THRB: variants seen among roughly 807,000 people sequenced by gnomAD.
THRB encodes the protein nuclear receptor subfamily 1 group A member 2.
Under a neutral mutation model 47.8 loss-of-function variants are expected in THRB, and 12 were observed. The ratio of observed to expected loss-of-function variants is 0.25; its 90% CI spans 0.16 to 0.41. The LOEUF is 0.41. Among genes scored for constraint, THRB ranks in the 10% least tolerant of loss-of-function variants. The probability of loss-of-function intolerance (pLI) is 1.00; values close to 1 mark genes in which losing one functional copy is unlikely to be tolerated. For synonymous variants in THRB, 218 were observed against 212.2 expected (o/e 1.03, Z -0.24); for missense variants, 348 against 589.2 (o/e 0.59, Z 4.24).
At chr3:24,136,362 A>T (rs944186891) in intron 8 of THRB, among the ~76,000 whole-genome samples, 5 of 152,220 alleles carry the variant, frequency 3.3e-5, no homozygotes, top group African/African-American at 1.2e-4. Flanking sequence ...CTTAGATACC[A>T]GAACAACAAA....
intron 3 of THRB, among the ~76,000 whole-genome samples, chr3:24,285,716 G>T (rs1329971225): frequency 6.6e-6 from 1 of 152,114 alleles, no homozygotes; most frequent in African/African-American, 2.4e-5. Context: ...CAAGAAAACA[G>T]TGCTTCTGCT....
At chr3:24,390,793 A>T (rs373054329) in intron 1 of THRB, among the ~76,000 whole-genome samples, 2 of 63,058 alleles carry the variant, frequency 3.2e-5, no homozygotes, top group South Asian at 6.5e-4. Context: ...GTAAAAAAAA[A>T]AAAAATATAT....
intron 1 of THRB, among the ~76,000 whole-genome samples, chr3:24,403,101 C>A (rs1317500335): frequency 6.6e-6 from 1 of 151,906 alleles, no homozygotes; most frequent in Non-Finnish European, 1.5e-5. Context: ...CTATACATAA[C>A]AACATAGATC....
intron 4 of THRB, among the ~76,000 whole-genome samples, chr3:24,211,694 G>C (rs2046041209): frequency 6.6e-6 from 1 of 152,186 alleles, no homozygotes; most frequent in Non-Finnish European, 1.5e-5. Context: ...GCCAGCTTAT[G>C]ATGGTGCCAA....
chr3:24,413,021 G>C (rs1430979727), intron 1 of THRB, among the ~76,000 whole-genome samples: 4 of 151,754 alleles, frequency 2.6e-5, no homozygotes, highest in African/African-American at 9.7e-5. Context: ...AGTTAAAGAG[G>C]CTTTCTTACA....
intron 3 of THRB, among the ~76,000 whole-genome samples, chr3:24,234,275 A>G (rs2048643474): frequency 6.6e-6 from 1 of 152,222 alleles, no homozygotes; most frequent in Admixed American, 6.5e-5. Context: ...GATACTTTAC[A>G]CATGCAAAAT....
chr3:24,158,442 G>GTTTT (rs2038229902), intron 5 of THRB, among the ~76,000 whole-genome samples: 1 of 143,820 alleles, frequency 7.0e-6, no homozygotes, highest in Non-Finnish European at 1.5e-5. Flanking sequence ...TTGGGGGGAG[G>GTTTT]GTGGGGGACG....
intron 1 of THRB, among the ~76,000 whole-genome samples, chr3:24,433,462 A>T (rs761057176): frequency 4.9e-4 from 75 of 152,270 alleles, no homozygotes; most frequent in Non-Finnish European, 8.8e-4. Flanking sequence ...ATGTGTGGCC[A>T]CTAGAAGCTG....
Position 24,122,156 on chromosome 3 carries a change from G to A in THRB, c.*728C>T, listed in dbSNP as rs2031800961. 1 of 152,934 alleles carries A rather than the reference G, an allele frequency of 6.5e-6. No homozygotes were observed. Among genetic ancestry groups the A allele is most frequent in the South Asian group, 2.1e-4 (1 of 4,840 alleles). The allele number at this position is 152,934 out of a possible 1,614,324, so 9.5% of individuals were successfully genotyped here. The stretch of plus-strand genomic sequence containing the variant: ...AATTTTTGGAAACCATGCAGTCACT[G>A]ACATTGGTGAAGATTTCTAATTTCT... On this transcript the variant is annotated 3_prime_UTR_variant, in exon 11 of 11. Coordinates refer to ENST00000646209, the MANE Select transcript of THRB (RefSeq NM_001354712.2).
intron 3 of THRB, among the ~76,000 whole-genome samples, chr3:24,247,424 G>A (rs960151316): frequency 1.3e-5 from 2 of 152,122 alleles, no homozygotes; most frequent in Admixed American, 6.6e-5. Flanking sequence ...AACCTATGAC[G>A]TAGGTGGTAC....
chr3:24,176,897 C>T (rs1163022268), intron 5 of THRB, among the ~76,000 whole-genome samples: 1 of 152,020 alleles, frequency 6.6e-6, no homozygotes, highest in Non-Finnish European at 1.5e-5. Flanking sequence ...AATATACTAA[C>T]AATCATTGAA....
At chr3:24,251,263 A>G (rs2050639718) in intron 3 of THRB, among the ~76,000 whole-genome samples, 1 of 152,134 alleles carries the variant, frequency 6.6e-6, no homozygotes, top group East Asian at 1.9e-4. Flanking sequence ...TGACTTAAAA[A>G]TAAATGAGTT....
intron 3 of THRB, among the ~76,000 whole-genome samples, chr3:24,273,567 A>T (rs1197266976): frequency 6.6e-6 from 1 of 152,220 alleles, no homozygotes; most frequent in Non-Finnish European, 1.5e-5. Flanking sequence ...TAATCTCAAA[A>T]TCCTAAAGCT....
chr3:24,408,501 T>C (rs957779233), intron 1 of THRB, among the ~76,000 whole-genome samples: 1 of 151,830 alleles, frequency 6.6e-6, no homozygotes, highest in African/African-American at 2.4e-5. Flanking sequence ...GGATCCATAC[T>C]TGAGTACAAG....
At position 24,123,143 on chromosome 3, in the gene THRB, GAT is replaced by G; in HGVS notation, c.1145-20_1145-19del. On this transcript the variant is annotated intron_variant, in intron 10 of 10. Transcript: ENST00000646209. The stretch of plus-strand genomic sequence containing the variant: ...CGGGCGATCTGCGGGGAAGAGAGAA[GAT>G]GGACATTGATTCAGAGATGGAAGGG... 6.2e-7 allele frequency: 1 copy of G among 1,613,950 alleles called. No individual in the cohort carries two copies. The highest frequency in any genetic ancestry group is 8.5e-7 in the Non-Finnish European group (1 of 1,180,022).
intron 1 of THRB, among the ~76,000 whole-genome samples, chr3:24,485,079 T>G (rs1400348295): frequency 6.6e-6 from 1 of 152,198 alleles, no homozygotes; most frequent in Non-Finnish European, 1.5e-5. Context: ...TGCTTCACAC[T>G]AAATAATGAA....
chr3:24,196,762 C>G (rs1014006518), intron 4 of THRB, among the ~76,000 whole-genome samples: 8 of 151,742 alleles, frequency 5.3e-5, no homozygotes. Flanking sequence ...AGATTCTGTG[C>G]AAGGCAAATG....
chr3:24,329,777 T>G (rs1038862365), intron 2 of THRB, among the ~76,000 whole-genome samples: 5 of 152,332 alleles, frequency 3.3e-5, no homozygotes, highest in Admixed American at 1.3e-4. Context: ...ACTCTAGTTG[T>G]CTTGATGAAA....
intron 1 of THRB, among the ~76,000 whole-genome samples, chr3:24,410,515 C>A (rs1318364380): frequency 6.6e-6 from 1 of 151,750 alleles, no homozygotes; most frequent in African/African-American, 2.4e-5. Flanking sequence ...CCTGTAAATA[C>A]CCCTTTGACA....
Sources: allele counts gnomAD v4.1 joint callset (sites outside exome capture counted in the v4.1 genomes callset), GRCh38; gene constraint gnomAD v4.1.1; transcripts MANE v1.5; gene names NCBI Gene and HGNC (gene_info 2026-07-23, HGNC 2026-07-21).